GRIN2A: variants seen among roughly 807,000 people sequenced by gnomAD.
GRIN2A encodes the protein glutamate receptor ionotropic, NMDA 2A.
Under a neutral mutation model 113.4 loss-of-function variants are expected in GRIN2A, and 22 were observed. That is an observed-to-expected ratio of 0.19 (90% CI 0.14 to 0.28). GRIN2A has a LOEUF of 0.28. Ranked by LOEUF, GRIN2A falls within the 10% of genes least tolerant of loss-of-function variation. The probability of loss-of-function intolerance (pLI) is 1.00; values close to 1 mark genes in which losing one functional copy is unlikely to be tolerated. For synonymous variants in GRIN2A, 827 were observed against 738.4 expected, an observed-to-expected ratio of 1.12 and a Z score of -1.94; for missense variants, 1,502 against 1,887.0, an observed-to-expected ratio of 0.80 and a Z score of 3.78.
intron 3 of GRIN2A, among the ~76,000 whole-genome samples, chr16:9,896,491 T>C (rs547299994): frequency 6.6e-6 from 1 of 152,296 alleles, no homozygotes; most frequent in African/African-American, 2.4e-5. Context: ...TAAAATCAGA[T>C]GGAATTAGCA....
chr16:10,170,761 T>C (rs902161257), intron 2 of GRIN2A, among the ~76,000 whole-genome samples: 1 of 151,962 alleles, frequency 6.6e-6, no homozygotes, highest in Admixed American at 6.6e-5. Context: ...CCTGTGTTCC[T>C]AGCTACTTGG....
At chr16:10,013,600 A>C (rs1377360739) in intron 2 of GRIN2A, among the ~76,000 whole-genome samples, 1 of 152,158 alleles carries the variant, frequency 6.6e-6, no homozygotes, top group Non-Finnish European at 1.5e-5. Flanking sequence ...ACCTTCCTGG[A>C]ATCATAGCTC....
chr16:10,157,846 A>C (rs1224245868), intron 2 of GRIN2A, among the ~76,000 whole-genome samples: 4 of 152,116 alleles, frequency 2.6e-5, no homozygotes, highest in African/African-American at 9.7e-5. Flanking sequence ...TAATATTACT[A>C]CTGTAATCTT....
At chr16:10,069,203 T>A (rs1365594632) in intron 2 of GRIN2A, among the ~76,000 whole-genome samples, 2 of 152,184 alleles carry the variant, frequency 1.3e-5, no homozygotes, top group African/African-American at 4.8e-5. Flanking sequence ...GGCTGCTTCA[T>A]CTACAGCTCC....
chr16:9,859,240 T>C (rs1429246870), intron 4 of GRIN2A, among the ~76,000 whole-genome samples: 3 of 151,676 alleles, frequency 2.0e-5, no homozygotes, highest in Admixed American at 1.3e-4. Flanking sequence ...CCTACACATA[T>C]TCACAATTAA....
chr16:10,178,532 T>C (rs1472191522), intron 2 of GRIN2A, among the ~76,000 whole-genome samples: 1 of 152,222 alleles, frequency 6.6e-6, no homozygotes, highest in Non-Finnish European at 1.5e-5. Flanking sequence ...TGGCAGAGCA[T>C]GGCTAGTCCC....
intron 2 of GRIN2A, among the ~76,000 whole-genome samples, chr16:10,164,027 T>C (rs550415518): frequency 1.3e-5 from 2 of 152,206 alleles, no homozygotes; most frequent in Non-Finnish European, 2.9e-5. Context: ...CTTAAGTAAA[T>C]AGCTTGAAGT....
At chr16:9,935,937 A>C (rs1391013067) in intron 3 of GRIN2A, among the ~76,000 whole-genome samples, 1 of 152,026 alleles carries the variant, frequency 6.6e-6, no homozygotes, top group Non-Finnish European at 1.5e-5. Context: ...CCTGGCCTCC[A>C]GCGATCCACC....
chr16:10,011,526 A>G (rs1406710170), intron 2 of GRIN2A, among the ~76,000 whole-genome samples: 1 of 152,188 alleles, frequency 6.6e-6, no homozygotes, highest in East Asian at 1.9e-4. Flanking sequence ...TTTCCAACAC[A>G]GGAGGAAAAA....
chr16:9,950,013 G>A (rs2045139682), intron 2 of GRIN2A, among the ~76,000 whole-genome samples: 1 of 152,174 alleles, frequency 6.6e-6, no homozygotes, highest in South Asian at 2.1e-4. Flanking sequence ...CAATCTGAAG[G>A]CAGGAAAGTA....
intron 2 of GRIN2A, among the ~76,000 whole-genome samples, chr16:9,966,818 T>A (rs1034418392): frequency 2.0e-5 from 3 of 152,170 alleles, no homozygotes; most frequent in African/African-American, 7.2e-5. Context: ...ACTTTCTGAT[T>A]CAGTAGGATG....
intron 3 of GRIN2A, among the ~76,000 whole-genome samples, chr16:9,911,317 G>A (rs1207894841): frequency 6.6e-6 from 1 of 152,090 alleles, no homozygotes; most frequent in Admixed American, 6.6e-5. Flanking sequence ...AGAGATGCTC[G>A]TCTCTAAAAT....
At chr16:9,897,821 T>C (rs2043836461) in intron 3 of GRIN2A, among the ~76,000 whole-genome samples, 2 of 152,192 alleles carry the variant, frequency 1.3e-5, no homozygotes, top group Non-Finnish European at 2.9e-5. Context: ...ACTGGTAGAC[T>C]GTAATCATGG....
At chr16:10,080,309 A>T (rs1280079277) in intron 2 of GRIN2A, among the ~76,000 whole-genome samples, 1 of 152,154 alleles carries the variant, frequency 6.6e-6, no homozygotes, top group Admixed American at 6.5e-5. Flanking sequence ...TCTTTAAGCC[A>T]CCAAAAGGCA....
intron 10 of GRIN2A, among the ~76,000 whole-genome samples, chr16:9,820,339 T>C (rs1010685450): frequency 2.0e-5 from 3 of 152,152 alleles, no homozygotes; most frequent in Non-Finnish European, 4.4e-5. Context: ...CAAACAAAAA[T>C]CCCAAACCCA....
At chr16:10,119,021 C>G (rs971702634) in intron 2 of GRIN2A, among the ~76,000 whole-genome samples, 26 of 152,214 alleles carry the variant, frequency 1.7e-4, no homozygotes, top group African/African-American at 5.8e-4. Context: ...TGGCAGAAAT[C>G]TAGGTCCCTG....
At chr16:10,104,844 ATGTCCCT>A (rs1204403345) in intron 2 of GRIN2A, among the ~76,000 whole-genome samples, 1 of 152,202 alleles carries the variant, frequency 6.6e-6, no homozygotes, top group East Asian at 1.9e-4. Context: ...ACAGGTTTCC[ATGTCCCT>A]TGTGAGCGCA....
chr16:9,914,904 GCTTTTTTTTTTTTTTTTTTTTTTTTTTT>G (rs2141562714), intron 3 of GRIN2A, among the ~76,000 whole-genome samples: 1 of 48,716 alleles, frequency 2.1e-5, no homozygotes, highest in South Asian at 8.1e-4. Flanking sequence ...TGATTATGCA[GCTTTTTTTTTTTTTTTTTTTTTTTTTTT>G]TTTTTTTTTT....
At chr16:9,831,579 A>C (rs1309114275) in intron 8 of GRIN2A, among the ~76,000 whole-genome samples, 1 of 147,538 alleles carries the variant, frequency 6.8e-6, no homozygotes, top group African/African-American at 2.5e-5. Flanking sequence ...GCAGTGGCAC[A>C]ATCTCGGCTC....
Sources: gnomAD v4.1 joint callset for allele counts (sites outside exome capture counted in the v4.1 genomes callset) on GRCh38, gnomAD v4.1.1 for gene constraint, MANE v1.5 for transcripts, NCBI Gene and HGNC (gene_info 2026-07-23, HGNC 2026-07-21) for gene names.